The following FMN2 variants were observed in gnomAD, a reference collection of about 807,000 sequenced individuals.
FMN2 encodes formin 2.
Under a neutral mutation model 142.3 loss-of-function variants are expected in FMN2, and 51 were observed. That is an observed-to-expected ratio of 0.36 (90% CI 0.29 to 0.45). FMN2 has a LOEUF of 0.45. FMN2 is among the 20% of genes least tolerant of loss of function. The pLI, the probability that FMN2 is intolerant of heterozygous loss-of-function variation, is 1.00. For synonymous variants in FMN2, 882 were observed against 869.8 expected (o/e 1.01, Z -0.25); for missense variants, 1,936 against 2,122.8 (o/e 0.91, Z 1.73).
intron 15 of FMN2, among the ~76,000 whole-genome samples, chr1:240,405,766 G>A (rs1674131394): frequency 6.6e-6 from 1 of 151,948 alleles, no homozygotes; most frequent in Non-Finnish European, 1.5e-5. Flanking sequence ...TTGTTCAGAG[G>A]AAGAAAAAAA....
chr1:240,325,359 A>AG lies in FMN2; in HGVS notation c.4216-3717_4216-3716insG, dbSNP rs957728566. 3.3e-5 allele frequency among the ~76,000 whole-genome samples: 5 copies of AG among 151,798 alleles called. No individual in the cohort carries two copies. In the South Asian group the frequency reaches 6.3e-4, roughly 19 times the overall value. On this transcript the variant is annotated intron_variant, in intron 8 of 17. Coordinates refer to ENST00000319653, the MANE Select transcript of FMN2 (RefSeq NM_020066.5). ...CCCTGTCTCCAAAAAAAAAAAAAAA[A>AG]AGAGAAGGATAAGGAAGGCTTCATT...
chr1:240,143,419 A>G (rs1663281325), intron 2 of FMN2: 1 of 1,431,224 alleles, frequency 7.0e-7, no homozygotes, highest in Non-Finnish European at 9.9e-7. Flanking sequence ...GGCAATCCCC[A>G]GAACAGCCAC....
chr1:240,352,629 G>A (rs112372868), intron 13 of FMN2, among the ~76,000 whole-genome samples: 56 of 152,172 alleles, frequency 3.7e-4, no homozygotes, highest in African/African-American at 1.3e-3. Flanking sequence ...TGGGAACACT[G>A]TGTCACCTGA....
chr1:240,228,734 G>A (rs1667434714), intron 6 of FMN2, among the ~76,000 whole-genome samples: 1 of 152,030 alleles, frequency 6.6e-6, no homozygotes, highest in South Asian at 2.1e-4. Context: ...CATGATATCA[G>A]ACTATAATTT....
chr1:240,220,667 T>TTG (rs71792127), intron 6 of FMN2, among the ~76,000 whole-genome samples: 31,718 of 149,044 alleles, frequency 0.21, 3,308 homozygotes, highest in Middle Eastern at 0.31. Flanking sequence ...GAGTCTGTGT[T>TTG]TGTGTGTGTG....
chr1:240,129,288 G>A (rs1476210619), intron 2 of FMN2, among the ~76,000 whole-genome samples: 1 of 152,120 alleles, frequency 6.6e-6, no homozygotes, highest in African/African-American at 2.4e-5. Flanking sequence ...TCAGCTCTAA[G>A]AGAATATAGA....
chr1:240,114,412 A>G (rs1389413897), intron 1 of FMN2, among the ~76,000 whole-genome samples: 1 of 152,126 alleles, frequency 6.6e-6, no homozygotes, highest in Non-Finnish European at 1.5e-5. Context: ...ACAGCAGGAA[A>G]GCTCGATGGG....
intron 2 of FMN2, among the ~76,000 whole-genome samples, 174 bp downstream of exon 2, chr1:240,123,519 A>AAAAAG (rs1553327817): frequency 6.6e-6 from 1 of 150,852 alleles, no homozygotes; most frequent in East Asian, 1.9e-4. Flanking sequence ...AAAAAAAAAA[A>AAAAAG]AAAGAAAGAA....
chr1:240,304,578 G>A (rs1357858087), intron 8 of FMN2, among the ~76,000 whole-genome samples: 1 of 152,178 alleles, frequency 6.6e-6, no homozygotes, highest in Non-Finnish European at 1.5e-5. Flanking sequence ...GAAAAAAGAG[G>A]GCTCTGGCCG....
At position 240,474,220 on chromosome 1, in the gene FMN2, G is replaced by A; in HGVS notation, c.*66G>A. On this transcript the variant is annotated 3_prime_UTR_variant, in exon 18 of 18. Coordinates refer to ENST00000319653, the MANE Select transcript of FMN2 (RefSeq NM_020066.5). Reference sequence around the variant, plus strand: ...TTCACAAAATTCAGCTGACCTGAGAGTGGGAGGGAAACTACCGTCATTCTG... The same window carrying A: ...TTCACAAAATTCAGCTGACCTGAGAATGGGAGGGAAACTACCGTCATTCTG... 7.0e-7 allele frequency: 1 copy of A among 1,423,380 alleles called. No homozygotes were observed. The highest frequency in any genetic ancestry group is 9.4e-7 in the Non-Finnish European group (1 of 1,058,436). The allele number at this position is 1,423,380 out of a possible 1,614,324, so 88.2% of individuals were successfully genotyped here. A position where few individuals can be genotyped will look rare whatever the true frequency, so the allele number is the denominator to read the frequency against.
chr1:240,095,408 CACAT>C (rs1490409058), intron 1 of FMN2, among the ~76,000 whole-genome samples: 1 of 151,848 alleles, frequency 6.6e-6, no homozygotes, highest in Admixed American at 6.6e-5. Context: ...CACACACACA[CACAT>C]TGAGCAGCCA....
intron 16 of FMN2, among the ~76,000 whole-genome samples, chr1:240,455,178 A>AAGCTGTTGCATAAT (rs60026777): frequency 6.6e-6 from 1 of 151,772 alleles, no homozygotes; most frequent in Non-Finnish European, 1.5e-5. Context: ...GACCATCGGA[A>AAGCTGTTGCATAAT]AGTAAAGAGG....
chr1:240,271,997 T>A (rs1669033715), intron 7 of FMN2, among the ~76,000 whole-genome samples: 1 of 152,182 alleles, frequency 6.6e-6, no homozygotes, highest in Non-Finnish European at 1.5e-5. Flanking sequence ...GAAGAAAGAA[T>A]GCAATACTTG....
In FMN2 at chr1:240,236,117, T is replaced by C. The variant is rs1292788113; in HGVS notation, c.4066-21828T>C. On this transcript the variant is annotated intron_variant, in intron 6 of 17. Coordinates refer to ENST00000319653, the MANE Select transcript of FMN2 (RefSeq NM_020066.5). ...TTGAGCAAATTTACTCCATGCATGA[T>C]CTGCGGTGAAAGTTGAAGCCTAGGA... 3.3e-5 allele frequency among the ~76,000 whole-genome samples: 5 copies of C among 152,150 alleles called. No homozygotes were observed. The East Asian group carries it at 7.7e-4, about 23-fold the overall frequency.
At chr1:240,108,172 A>T (rs923869709) in intron 1 of FMN2, among the ~76,000 whole-genome samples, 2 of 152,122 alleles carry the variant, frequency 1.3e-5, no homozygotes, top group Non-Finnish European at 1.5e-5. Flanking sequence ...ATCTTTGCAG[A>T]TGAGGGCAGG....
chr1:240,389,218 A>G (rs925553487), intron 14 of FMN2, among the ~76,000 whole-genome samples: 10 of 152,224 alleles, frequency 6.6e-5, no homozygotes, highest in Admixed American at 1.3e-4. Context: ...AACTGCTACT[A>G]AAAGTTACAC....
chr1:240,215,796 C>A (rs1341087395), intron 6 of FMN2, among the ~76,000 whole-genome samples: 1 of 152,064 alleles, frequency 6.6e-6, no homozygotes, highest in Non-Finnish European at 1.5e-5. Context: ...GCAACCTCCC[C>A]CTCCCGGGTT....
intron 16 of FMN2, among the ~76,000 whole-genome samples, chr1:240,463,080 G>A (rs765511443): frequency 1.3e-4 from 20 of 152,124 alleles, no homozygotes; most frequent in Admixed American, 5.9e-4. Flanking sequence ...AAATGGCCTC[G>A]CAGACCTCGC....
intron 4 of FMN2, 100 bp from the exon 5 acceptor site, chr1:240,206,699 G>A: frequency 7.4e-7 from 1 of 1,352,870 alleles, no homozygotes; most frequent in Non-Finnish European, 1.0e-6. Context: ...GAGTCCTTCT[G>A]GAAGTATGAC....
Sources: gnomAD v4.1 joint callset for allele counts (sites outside exome capture counted in the v4.1 genomes callset) on GRCh38, gnomAD v4.1.1 for gene constraint, MANE v1.5 for transcripts, NCBI Gene and HGNC (gene_info 2026-07-23, HGNC 2026-07-21) for gene names.